Variants in TMEM272 observed in about 807,000 individuals in gnomAD.
TMEM272 encodes transmembrane protein 272.
Under a neutral mutation model 3.7 loss-of-function variants are expected in TMEM272, and 8 were observed. The observed-to-expected ratio is 2.17, with a 90% CI of 1.27 to 3.91. The LOEUF is 3.91. Among genes scored for constraint, TMEM272 ranks in the 30% most tolerant of loss-of-function variants. The pLI, the probability that TMEM272 is intolerant of heterozygous loss-of-function variation, is 0.00. For missense variants in TMEM272, 166 were observed against 91.5 expected (o/e 1.81, Z -3.32); for synonymous variants, 63 against 39.8 (o/e 1.58, Z -2.20).
At chr13:51,897,862 G>A in the TMEM272 span, among the ~76,000 whole-genome samples, 3 of 147,410 alleles carry the variant, frequency 2.0e-5, no homozygotes, top group South Asian at 6.5e-4. Context: ...AGGAGGCGGA[G>A]GTTGCAGTGA....
the TMEM272 span, among the ~76,000 whole-genome samples, chr13:51,891,061 C>T: frequency 6.6e-6 from 1 of 152,088 alleles, no homozygotes; most frequent in Non-Finnish European, 1.5e-5. Context: ...TGAGATGTGG[C>T]CAAATTATGT....
At chr13:51,829,722 G>A (rs1004316805) in intron 2 of TMEM272, among the ~76,000 whole-genome samples, 1 of 152,156 alleles carries the variant, frequency 6.6e-6, no homozygotes, top group East Asian at 1.9e-4. Flanking sequence ...TCCAGGCAGT[G>A]AGTGACACAA....
At chr13:51,849,974 G>C (rs1249208809), upstream of TMEM272, among the ~76,000 whole-genome samples, 1 of 152,192 alleles carries the variant, frequency 6.6e-6, no homozygotes, top group African/African-American at 2.4e-5. Flanking sequence ...GAGCACTTTA[G>C]AAGGCCAAGA....
the TMEM272 span, among the ~76,000 whole-genome samples, chr13:51,902,441 G>A: frequency 6.6e-6 from 1 of 152,220 alleles, no homozygotes; most frequent in Non-Finnish European, 1.5e-5. Flanking sequence ...TGTCTAAAAT[G>A]AACTGCTGCA....
At chr13:51,828,797 C>T (rs75500493) in intron 2 of TMEM272, among the ~76,000 whole-genome samples, 1,843 of 152,278 alleles carry the variant, frequency 0.012, 48 homozygotes, top group African/African-American at 0.042. Flanking sequence ...ACATTTACTC[C>T]GCAAGACTCA....
the TMEM272 span, among the ~76,000 whole-genome samples, chr13:51,863,583 C>T: frequency 2.0e-5 from 3 of 151,786 alleles, no homozygotes; most frequent in African/African-American, 4.8e-5. Context: ...AGGATGTGCC[C>T]CTGGTTCTGG....
chr13:51,910,780 C>G, the TMEM272 span, among the ~76,000 whole-genome samples: 1 of 152,264 alleles, frequency 6.6e-6, no homozygotes, highest in Admixed American at 6.5e-5. Context: ...CTGGAGGACA[C>G]GAGCACCCAC....
the TMEM272 span, among the ~76,000 whole-genome samples, chr13:51,911,954 C>A: frequency 0.053 from 8,104 of 152,116 alleles, 613 homozygotes; most frequent in African/African-American, 0.16. Flanking sequence ...GGCTTTCCCG[C>A]TTCTTTCCTC....
At chr13:51,821,985 C>T (rs1956083596) in intron 4 of TMEM272, 70 bp downstream of exon 4, 1 of 701,448 alleles carries the variant, frequency 1.4e-6, no homozygotes, top group South Asian at 1.5e-5. Context: ...AGGCAAATAA[C>T]AGGTGCATTA....
At chr13:51,894,630 T>C in the TMEM272 span, among the ~76,000 whole-genome samples, 1 of 151,826 alleles carries the variant, frequency 6.6e-6, no homozygotes, top group African/African-American at 2.4e-5. Flanking sequence ...GACTGAGAAG[T>C]TTGCAAAAGG....
chr13:51,919,784 C>T, the TMEM272 span, among the ~76,000 whole-genome samples: 1 of 152,270 alleles, frequency 6.6e-6, no homozygotes, highest in Non-Finnish European at 1.5e-5. Flanking sequence ...GTGAGCATGT[C>T]GCTCTCCTCA....
intron 3 of TMEM272, among the ~76,000 whole-genome samples, chr13:51,824,987 G>T (rs1956111809): frequency 6.6e-6 from 1 of 152,134 alleles, no homozygotes; most frequent in Non-Finnish European, 1.5e-5. Context: ...CTAACCACAG[G>T]GTCCAAAGGC....
At chr13:51,913,464 C>T in the TMEM272 span, among the ~76,000 whole-genome samples, 1 of 152,208 alleles carries the variant, frequency 6.6e-6, no homozygotes, top group Non-Finnish European at 1.5e-5. Flanking sequence ...CTCTCTAAGC[C>T]AGTGACAACG....
chr13:51,900,416 C>A, the TMEM272 span, among the ~76,000 whole-genome samples: 1 of 152,074 alleles, frequency 6.6e-6, no homozygotes, highest in Admixed American at 6.5e-5. Flanking sequence ...AAATCAAAAC[C>A]ACAATGACAT....
At chr13:51,887,957 C>G in the TMEM272 span, among the ~76,000 whole-genome samples, 1 of 152,136 alleles carries the variant, frequency 6.6e-6, no homozygotes, top group Non-Finnish European at 1.5e-5. Flanking sequence ...ATTTCATTAG[C>G]ATCTTTAAAC....
At chr13:51,883,494 G>A in the TMEM272 span, among the ~76,000 whole-genome samples, 8 of 152,224 alleles carry the variant, frequency 5.3e-5, no homozygotes, top group Non-Finnish European at 8.8e-5. Context: ...GTGGATGGCC[G>A]TCTGTGAGGC....
chr13:51,847,463 C>T (rs780893359), upstream of TMEM272, among the ~76,000 whole-genome samples: 4 of 152,230 alleles, frequency 2.6e-5, no homozygotes, highest in Non-Finnish European at 4.4e-5. Flanking sequence ...CCTCATGAAA[C>T]TGGTCTCCGG....
chr13:51,906,080 T>C, the TMEM272 span, among the ~76,000 whole-genome samples: 1 of 152,192 alleles, frequency 6.6e-6, no homozygotes, highest in Non-Finnish European at 1.5e-5. Context: ...CTGGAGGGAC[T>C]GAAATCTTCT....
At chr13:51,930,852 T>C in the TMEM272 span, among the ~76,000 whole-genome samples, 1 of 152,168 alleles carries the variant, frequency 6.6e-6, no homozygotes, top group African/African-American at 2.4e-5. Context: ...TAAGTTTTTA[T>C]TTTTAATCTT....
Sources: allele counts gnomAD v4.1 joint callset (sites outside exome capture counted in the v4.1 genomes callset), GRCh38; gene constraint gnomAD v4.1.1; transcripts MANE v1.5; gene names NCBI Gene and HGNC (gene_info 2026-07-23, HGNC 2026-07-21).